NCKAP5: variants seen among roughly 807,000 people sequenced by gnomAD.
NCKAP5 encodes nck-associated protein 5.
Under a neutral mutation model 167.0 loss-of-function variants are expected in NCKAP5, and 92 were observed. The observed-to-expected ratio is 0.55, with a 90% CI of 0.47 to 0.66. The LOEUF (loss-of-function observed/expected upper bound fraction) is 0.66. NCKAP5 is among the 30% of genes least tolerant of loss of function. The pLI is 0.00. For synonymous variants in NCKAP5, 891 were observed against 877.4 expected, an observed-to-expected ratio of 1.02 and a Z score of -0.27; for missense variants, 2,378 against 2,315.0, an observed-to-expected ratio of 1.03 and a Z score of -0.56.
chr2:133,047,595 C>T (rs1338835607), intron 6 of NCKAP5, among the ~76,000 whole-genome samples: 1 of 152,182 alleles, frequency 6.6e-6, no homozygotes, highest in Admixed American at 6.5e-5. Flanking sequence ...ATCTGTCCCA[C>T]CTCCTCCTAA....
chr2:133,516,738 C>G (rs1281504334), intron 3 of NCKAP5, among the ~76,000 whole-genome samples: 2 of 152,196 alleles, frequency 1.3e-5, no homozygotes, highest in Non-Finnish European at 2.9e-5. Flanking sequence ...CACAAGGAAC[C>G]AAGCTAAATC....
At chr2:133,650,667 G>A in the NCKAP5 span, among the ~76,000 whole-genome samples, 1 of 152,070 alleles carries the variant, frequency 6.6e-6, no homozygotes, top group African/African-American at 2.4e-5. Flanking sequence ...CTAAGGTCAG[G>A]AGTTTGAGAC....
chr2:133,648,121 C>T, the NCKAP5 span, among the ~76,000 whole-genome samples: 1 of 151,806 alleles, frequency 6.6e-6, no homozygotes, highest in African/African-American at 2.4e-5. Context: ...ACTTTAACTC[C>T]AAAACTGTCA....
intron 11 of NCKAP5, among the ~76,000 whole-genome samples, chr2:132,818,625 T>C (rs1177764869): frequency 6.6e-6 from 1 of 152,204 alleles, no homozygotes; most frequent in Admixed American, 6.5e-5. Flanking sequence ...GAGGTGGTGG[T>C]TGCAGTGAGC....
intron 4 of NCKAP5, among the ~76,000 whole-genome samples, chr2:133,265,536 T>C (rs2150386142): frequency 6.6e-6 from 1 of 152,270 alleles, no homozygotes; most frequent in South Asian, 2.1e-4. Flanking sequence ...CAATCAGCAT[T>C]AAGCCAGTTT....
chr2:133,557,448 G>C (rs781742085), intron 2 of NCKAP5, among the ~76,000 whole-genome samples: 1 of 152,088 alleles, frequency 6.6e-6, no homozygotes, highest in South Asian at 2.1e-4. Context: ...CACAGCCCTC[G>C]CCTGCCCAGG....
intron 3 of NCKAP5, among the ~76,000 whole-genome samples, chr2:133,471,874 C>T (rs1479941041): frequency 6.6e-6 from 1 of 152,190 alleles, no homozygotes; most frequent in Admixed American, 6.5e-5. Flanking sequence ...TTATCTTACT[C>T]AAGTCTCAAA....
the NCKAP5 span, among the ~76,000 whole-genome samples, chr2:133,647,421 G>GA: frequency 1.9e-5 from 1 of 53,918 alleles, no homozygotes; most frequent in South Asian, 4.7e-4. Context: ...GGAAGGAAGA[G>GA]AAAGAAAGGA....
chr2:133,472,324 A>G (rs182634148), intron 3 of NCKAP5, among the ~76,000 whole-genome samples: 57 of 152,246 alleles, frequency 3.7e-4, no homozygotes, highest in African/African-American at 1.3e-3. Context: ...CTTATAAATT[A>G]TCTTGTATCT....
chr2:132,915,178 G>A (rs746022631), intron 8 of NCKAP5, among the ~76,000 whole-genome samples: 1 of 151,996 alleles, frequency 6.6e-6, no homozygotes, highest in African/African-American at 2.4e-5. Context: ...TAGACTTGTG[G>A]CTAAGGGCAT....
At chr2:133,666,542 C>T in the NCKAP5 span, among the ~76,000 whole-genome samples, 1 of 151,912 alleles carries the variant, frequency 6.6e-6, no homozygotes, top group Admixed American at 6.6e-5. Flanking sequence ...TTCACTATTA[C>T]TTATTTAACA....
At chr2:132,769,102 G>A (rs192348126) in intron 16 of NCKAP5, among the ~76,000 whole-genome samples, 1 of 151,938 alleles carries the variant, frequency 6.6e-6, no homozygotes, top group Admixed American at 6.6e-5. Context: ...ATGCCACCAT[G>A]CCTGACTAAT....
At chr2:133,186,167 T>C (rs534231040) in intron 5 of NCKAP5, among the ~76,000 whole-genome samples, 106 of 152,254 alleles carry the variant, frequency 7.0e-4, no homozygotes, top group Non-Finnish European at 1.3e-3. Context: ...GTTTTTATCA[T>C]GAAGTGATGT....
intron 8 of NCKAP5, among the ~76,000 whole-genome samples, chr2:132,914,486 G>C (rs1396102354): frequency 1.3e-5 from 2 of 152,004 alleles, no homozygotes; most frequent in Non-Finnish European, 2.9e-5. Flanking sequence ...CAATTCCTGA[G>C]ATAGCCCTGT....
chr2:133,384,810 C>G (rs889071776), intron 3 of NCKAP5, among the ~76,000 whole-genome samples: 8 of 152,158 alleles, frequency 5.3e-5, no homozygotes, highest in African/African-American at 1.9e-4. Flanking sequence ...CTCTTTGAAG[C>G]AATTGTGAAT....
chr2:132,811,087 G>C (rs1685827086), intron 11 of NCKAP5, among the ~76,000 whole-genome samples: 1 of 152,164 alleles, frequency 6.6e-6, no homozygotes, highest in Non-Finnish European at 1.5e-5. Flanking sequence ...ACAGGTACTG[G>C]GGGTTGTCTG....
At chr2:132,824,008 C>A (rs1193116312) in intron 11 of NCKAP5, among the ~76,000 whole-genome samples, 1 of 152,028 alleles carries the variant, frequency 6.6e-6, no homozygotes, top group Non-Finnish European at 1.5e-5. Context: ...TATATATGCA[C>A]CTAACACTGG....
chr2:133,137,404 TTTTGTGTG>T (rs1190700851), intron 5 of NCKAP5, among the ~76,000 whole-genome samples: 35 of 116,204 alleles, frequency 3.0e-4, no homozygotes, highest in Non-Finnish European at 5.7e-4. Flanking sequence ...CAGAGCTTGG[TTTTGTGTG>T]TGTGTGTGTG....
chr2:133,661,877 T>C, the NCKAP5 span, among the ~76,000 whole-genome samples: 1 of 152,292 alleles, frequency 6.6e-6, no homozygotes, highest in East Asian at 1.9e-4. Flanking sequence ...CATTGTAATC[T>C]TCTGGGAGGA....
Sources: gnomAD v4.1 joint callset for allele counts (sites outside exome capture counted in the v4.1 genomes callset) on GRCh38, gnomAD v4.1.1 for gene constraint, MANE v1.5 for transcripts, NCBI Gene and HGNC (gene_info 2026-07-23, HGNC 2026-07-21) for gene names.